The following SGMS1 variants were observed in gnomAD, a reference collection of about 807,000 sequenced individuals.
SGMS1 encodes phosphatidylcholine:ceramide cholinephosphotransferase 1.
A neutral mutation model predicts 46.2 loss-of-function variants in SGMS1; 13 were observed. The observed-to-expected ratio is 0.28, with a 90% confidence interval of 0.18 to 0.45. SGMS1 has a LOEUF of 0.45. Ranked by LOEUF, SGMS1 falls within the 20% of genes least tolerant of loss-of-function variation. SGMS1 has a pLI of 1.00. For missense variants in SGMS1, 324 were observed against 519.9 expected, an observed-to-expected ratio of 0.62 and a Z score of 3.66; for synonymous variants, 203 against 187.8, an observed-to-expected ratio of 1.08 and a Z score of -0.66.
rs1411546707 is a variant in SGMS1, at chr10:50,587,631, ATATGTG to A, written c.-589+2516_-589+2521del. Among the ~76,000 whole-genome samples the A allele has an allele frequency of 9.9e-3, 1,178 of 118,720 alleles. 15 individuals are homozygous for A. The highest frequency in any genetic ancestry group is 0.014 in the South Asian group (47 of 3,380). 77.9% of individuals were successfully genotyped at this position (118,720 alleles called of 152,430 possible). On this transcript the variant is annotated intron_variant, in intron 2 of 10. Transcript: ENST00000361781. ...AGAGCAAGACTGCATCTCAAAATATATATGTGTGTGTGTGTGTGTGTGTGTGTGTGT... is the reference window on the plus strand; with the variant it reads ...AGAGCAAGACTGCATCTCAAAATATATGTGTGTGTGTGTGTGTGTGTGTGT...
intron 3 of SGMS1, among the ~76,000 whole-genome samples, chr10:50,517,795 T>TA (rs1237019059): frequency 9.3e-5 from 14 of 151,228 alleles, no homozygotes; most frequent in Non-Finnish European, 1.3e-4. Flanking sequence ...AATCATCTAC[T>TA]AAAAAAAATA....
At chr10:50,425,149 G>A (rs1849308472) in intron 6 of SGMS1, among the ~76,000 whole-genome samples, 1 of 152,174 alleles carries the variant, frequency 6.6e-6, no homozygotes, top group Non-Finnish European at 1.5e-5. Context: ...CTGCTGGTGG[G>A]AATGTAAATT....
chr10:50,382,222 A>G (rs1356688359), intron 6 of SGMS1, among the ~76,000 whole-genome samples: 1 of 152,166 alleles, frequency 6.6e-6, no homozygotes, highest in Non-Finnish European at 1.5e-5. Flanking sequence ...TAAGGGGGAA[A>G]AGAAGAACTC....
intron 1 of SGMS1, 139 bp from the exon 2 acceptor site, chr10:50,590,386 A>T (rs1482751263): frequency 6.6e-6 from 1 of 152,266 alleles, no homozygotes; most frequent in African/African-American, 2.4e-5. Context: ...TAGGGGAAAA[A>T]GTAAAAAAAG....
intron 1 of SGMS1, among the ~76,000 whole-genome samples, chr10:50,593,316 C>A (rs988010313): frequency 6.6e-6 from 1 of 152,202 alleles, no homozygotes; most frequent in Non-Finnish European, 1.5e-5. Context: ...CAGAACCACC[C>A]TGCTTAGCTG....
intron 3 of SGMS1, among the ~76,000 whole-genome samples, chr10:50,475,556 G>A (rs955928821): frequency 6.6e-6 from 1 of 152,172 alleles, no homozygotes; most frequent in Non-Finnish European, 1.5e-5. Flanking sequence ...ACTGGTCCAT[G>A]TTATTTGGAA....
At chr10:50,317,324 A>G (rs1413078849) in intron 8 of SGMS1, among the ~76,000 whole-genome samples, 2 of 152,248 alleles carry the variant, frequency 1.3e-5, no homozygotes, top group Non-Finnish European at 2.9e-5. Context: ...AAATAAAACA[A>G]TATCTTTTGT....
chr10:50,464,861 C>A lies in SGMS1; in HGVS notation c.-455+2029G>T, dbSNP rs866771474. Among the ~76,000 whole-genome samples, 21 of 152,232 alleles carry A rather than the reference C, an allele frequency of 1.4e-4. No individual in the cohort carries two copies. In the South Asian group the frequency reaches 1.7e-3, roughly 12 times the overall value. On this transcript the variant is annotated intron_variant, in intron 4 of 10. Transcript: ENST00000361781. ...GGGAGAGAGGGAGGGAGTTAGAACC[C>A]CAGATCCTCTCCCTCACCTGGTAGA...
intron 2 of SGMS1, among the ~76,000 whole-genome samples, chr10:50,526,098 T>C (rs563961371): frequency 2.6e-5 from 4 of 152,270 alleles, no homozygotes; most frequent in Admixed American, 2.6e-4. Flanking sequence ...TGTGTATTAG[T>C]CTGTTCTCAA....
At chr10:50,360,594 A>G (rs1053064041) in intron 6 of SGMS1, among the ~76,000 whole-genome samples, 4 of 152,180 alleles carry the variant, frequency 2.6e-5, no homozygotes, top group East Asian at 1.9e-4. Flanking sequence ...CTATTTTAAT[A>G]TTTGCCTAGT....
At chr10:50,424,428 A>G (rs1266082554) in intron 6 of SGMS1, among the ~76,000 whole-genome samples, 1 of 152,228 alleles carries the variant, frequency 6.6e-6, no homozygotes, top group Non-Finnish European at 1.5e-5. Flanking sequence ...TAAAAAAAGA[A>G]GGTACTATCT....
intron 3 of SGMS1, among the ~76,000 whole-genome samples, chr10:50,493,865 T>C (rs1837587725): frequency 6.6e-6 from 1 of 152,224 alleles, no homozygotes; most frequent in Non-Finnish European, 1.5e-5. Context: ...TGGCACAATC[T>C]TGACTCACTG....
chr10:50,327,372 G>C (rs1847548924), intron 7 of SGMS1, 50 bp from the exon 8 acceptor site: 1 of 1,052,954 alleles, frequency 9.5e-7, no homozygotes, highest in African/African-American at 1.6e-5. Flanking sequence ...AATTCTGTAG[G>C]TTCATTTACT....
intron 3 of SGMS1, among the ~76,000 whole-genome samples, chr10:50,495,274 AG>A (rs1328618209): frequency 1.8e-5 from 2 of 112,310 alleles, no homozygotes; most frequent in East Asian, 2.0e-4. Context: ...AAAAAAAAAA[AG>A]GATGTGCTGT....
intron 3 of SGMS1, among the ~76,000 whole-genome samples, chr10:50,511,836 C>T (rs998390703): frequency 2.0e-5 from 3 of 152,138 alleles, no homozygotes; most frequent in African/African-American, 7.2e-5. Flanking sequence ...TCAAGGTAAA[C>T]TGCCCCTCTT....
intron 6 of SGMS1, among the ~76,000 whole-genome samples, chr10:50,353,172 C>T (rs1337398141): frequency 1.3e-5 from 2 of 152,338 alleles, no homozygotes; most frequent in South Asian, 2.1e-4. Context: ...TGATGAACAT[C>T]GATGCAAAAA....
chr10:50,443,033 A>G (rs1849564815), intron 5 of SGMS1, among the ~76,000 whole-genome samples: 1 of 152,156 alleles, frequency 6.6e-6, no homozygotes, highest in Admixed American at 6.6e-5. Flanking sequence ...ATGAGCAAAA[A>G]TTTCAAAATA....
intron 6 of SGMS1, among the ~76,000 whole-genome samples, chr10:50,432,041 C>A (rs1849409552): frequency 6.6e-6 from 1 of 152,136 alleles, no homozygotes; most frequent in South Asian, 2.1e-4. Context: ...TGACTCAAAA[C>A]CAAACCTTGT....
At chr10:50,338,403 A>T (rs1045660774) in intron 7 of SGMS1, among the ~76,000 whole-genome samples, 1 of 152,212 alleles carries the variant, frequency 6.6e-6, no homozygotes, top group Admixed American at 6.5e-5. Context: ...AAAAGAAGCT[A>T]TGGTAGAAAA....
Sources: gnomAD v4.1 joint callset for allele counts (sites outside exome capture counted in the v4.1 genomes callset) on GRCh38, gnomAD v4.1.1 for gene constraint, MANE v1.5 for transcripts, NCBI Gene and HGNC (gene_info 2026-07-23, HGNC 2026-07-21) for gene names.